Variants in GRIK4 observed in about 807,000 individuals in gnomAD.
GRIK4 encodes the protein glutamate receptor ionotropic, kainate 4.
In GRIK4, 40 loss-of-function variants were observed where a neutral mutation model predicts 104.9. The observed-to-expected ratio is 0.38, with a 90% CI of 0.30 to 0.50. The LOEUF is 0.50. GRIK4 is among the 20% of genes least tolerant of loss of function. The pLI is 0.93. For synonymous variants in GRIK4, 485 were observed against 524.9 expected, an observed-to-expected ratio of 0.92 and a Z score of 1.04; for missense variants, 1,047 against 1,308.1, an observed-to-expected ratio of 0.80 and a Z score of 3.08.
chr11:120,964,035 C>T (rs1944341656), intron 18 of GRIK4, among the ~76,000 whole-genome samples: 1 of 150,608 alleles, frequency 6.6e-6, no homozygotes, highest in South Asian at 2.1e-4. Context: ...CTCTGTAGCC[C>T]AGGCTGGAGT....
chr11:120,815,977 A>G (rs1299506043), intron 5 of GRIK4, among the ~76,000 whole-genome samples: 1 of 152,190 alleles, frequency 6.6e-6, no homozygotes, highest in Non-Finnish European at 1.5e-5. Flanking sequence ...AAGAGATTTT[A>G]TCTTGCTTTC....
chr11:120,649,267 G>A (rs73578310), intron 1 of GRIK4, among the ~76,000 whole-genome samples: 2,412 of 152,026 alleles, frequency 0.016, 60 homozygotes, highest in African/African-American at 0.055. Context: ...CGCACATCCA[G>A]AGATAGCTCC....
intron 1 of GRIK4, among the ~76,000 whole-genome samples, chr11:120,607,780 G>C (rs544311684): frequency 5.6e-4 from 85 of 152,272 alleles, no homozygotes; most frequent in Non-Finnish European, 1.1e-3. Flanking sequence ...CTTAAGAAGA[G>C]CAGAGAGCAG....
chr11:120,512,638 G>A (rs1947677355), intron 1 of GRIK4, among the ~76,000 whole-genome samples: 1 of 152,142 alleles, frequency 6.6e-6, no homozygotes, highest in African/African-American at 2.4e-5. Flanking sequence ...GCGTGATGGG[G>A]GAGGGGGCTG....
chr11:120,815,325 G>C, intron 4 of GRIK4, 53 bp from the exon 5 acceptor site: 2 of 1,083,086 alleles, frequency 1.8e-6, no homozygotes, highest in East Asian at 2.6e-5. Context: ...CATGGCGCAA[G>C]CCCGACCTGA....
At chr11:120,807,407 G>C (rs946123072) in intron 4 of GRIK4, among the ~76,000 whole-genome samples, 2 of 152,226 alleles carry the variant, frequency 1.3e-5, no homozygotes, top group African/African-American at 4.8e-5. Flanking sequence ...GTCTCTGTGA[G>C]GCCAAGCATG....
chr11:120,533,279 G>C (rs1947940657), intron 1 of GRIK4, among the ~76,000 whole-genome samples: 1 of 152,116 alleles, frequency 6.6e-6, no homozygotes, highest in African/African-American at 2.4e-5. Flanking sequence ...ATAAGGTAAG[G>C]GTTAATAATA....
intron 14 of GRIK4, among the ~76,000 whole-genome samples, chr11:120,944,158 C>G (rs990358941): frequency 2.0e-5 from 3 of 151,884 alleles, no homozygotes; most frequent in Non-Finnish European, 2.9e-5. Flanking sequence ...CTGTCTCTCT[C>G]TCTCTCTCCT....
intron 1 of GRIK4, among the ~76,000 whole-genome samples, chr11:120,641,606 C>T (rs142443529): frequency 3.7e-4 from 57 of 152,144 alleles, no homozygotes; most frequent in African/African-American, 1.4e-3. Flanking sequence ...ACTGTCATGG[C>T]GCTGATGGGA....
At chr11:120,764,456 A>G (rs1353857138) in intron 3 of GRIK4, among the ~76,000 whole-genome samples, 1 of 152,080 alleles carries the variant, frequency 6.6e-6, no homozygotes, top group Admixed American at 6.5e-5. Context: ...TAAGGTTGAT[A>G]TTGTTATGTG....
At chr11:120,676,388 A>G (rs1304976777) in intron 3 of GRIK4, among the ~76,000 whole-genome samples, 1 of 152,220 alleles carries the variant, frequency 6.6e-6, no homozygotes, top group Non-Finnish European at 1.5e-5. Flanking sequence ...CTGTAAAAGA[A>G]CACCCAAGCC....
chr11:120,688,420 A>G (rs1950307003), intron 3 of GRIK4, among the ~76,000 whole-genome samples: 1 of 152,220 alleles, frequency 6.6e-6, no homozygotes, highest in Non-Finnish European at 1.5e-5. Flanking sequence ...CCAGCCAACT[A>G]GGAGCAAACA....
chr11:120,647,536 C>T (rs933781619), intron 1 of GRIK4, among the ~76,000 whole-genome samples: 3 of 152,234 alleles, frequency 2.0e-5, no homozygotes, highest in African/African-American at 7.2e-5. Context: ...CCCTCAGGAA[C>T]AATGGGCTCC....
In GRIK4 at chr11:120,746,136, T is replaced by C. The variant is rs538750664; in HGVS notation, c.83-56557T>C. 9.5e-4 allele frequency among the ~76,000 whole-genome samples: 144 copies of C among 152,326 alleles called. 1 individual carries two copies. Among genetic ancestry groups the C allele is most frequent in the African/African-American group, 3.2e-3 (135 of 41,578 alleles). On this transcript the variant is annotated intron_variant, in intron 3 of 20. Transcript: ENST00000527524. ...TAAAGAATAAGGTGCTTCATAAATGTCAGTGTCTTTATTAATCATGTATTT... is the reference window on the plus strand; with the variant it reads ...TAAAGAATAAGGTGCTTCATAAATGCCAGTGTCTTTATTAATCATGTATTT...
chr11:120,654,347 A>T (rs2135225146), intron 2 of GRIK4, among the ~76,000 whole-genome samples: 1 of 152,250 alleles, frequency 6.6e-6, no homozygotes, highest in East Asian at 1.9e-4. Flanking sequence ...ATGAAGAGTT[A>T]GTATTTATTA....
chr11:120,550,620 A>G (rs1464282910), intron 1 of GRIK4, among the ~76,000 whole-genome samples: 3 of 152,058 alleles, frequency 2.0e-5, no homozygotes, highest in Non-Finnish European at 4.4e-5. Flanking sequence ...TGCAGTGGAC[A>G]TGGAGGAGGA....
At chr11:120,875,808 A>G (rs1954772071) in intron 11 of GRIK4, among the ~76,000 whole-genome samples, 1 of 152,036 alleles carries the variant, frequency 6.6e-6, no homozygotes, top group Non-Finnish European at 1.5e-5. Flanking sequence ...ATTCTCCGCC[A>G]TTACCCTTTT....
chr11:120,631,186 A>G (rs537149905), intron 1 of GRIK4, among the ~76,000 whole-genome samples: 10 of 152,354 alleles, frequency 6.6e-5, no homozygotes, highest in African/African-American at 2.2e-4. Flanking sequence ...GTTTGCCTTC[A>G]TTGTAATGAT....
intron 4 of GRIK4, among the ~76,000 whole-genome samples, chr11:120,808,488 G>A (rs1027974052): frequency 6.6e-6 from 1 of 152,194 alleles, no homozygotes; most frequent in Non-Finnish European, 1.5e-5. Context: ...TTGGGACCAG[G>A]TGAAGGCTTT....
Sources: allele counts gnomAD v4.1 joint callset (sites outside exome capture counted in the v4.1 genomes callset), GRCh38; gene constraint gnomAD v4.1.1; transcripts MANE v1.5; gene names NCBI Gene and HGNC (gene_info 2026-07-23, HGNC 2026-07-21).